Variants in IL1RAPL1 observed in about 807,000 individuals in gnomAD.
The protein encoded by IL1RAPL1 is interleukin 1 receptor accessory protein like 1.
IL1RAPL1 carries 3 observed loss-of-function variants against 48.4 expected under a neutral mutation model. The ratio of observed to expected loss-of-function variants is 0.06; its 90% confidence interval spans 0.03 to 0.16. The LOEUF is 0.16. Ranked by LOEUF, IL1RAPL1 falls within the 10% of genes least tolerant of loss-of-function variation. IL1RAPL1 has a pLI of 1.00. For synonymous variants in IL1RAPL1, 185 were observed against 187.7 expected (o/e 0.99, Z 0.12); for missense variants, 349 against 530.6 (o/e 0.66, Z 3.36).
At chrX:28,781,318 A>ATT (rs770502660) in intron 1 of IL1RAPL1, among the ~76,000 whole-genome samples, 1 of 101,923 alleles carries the variant, frequency 9.8e-6, no homozygotes, top group African/African-American at 3.6e-5. Context: ...TTTTATTTTT[A>ATT]TTTTTTTTTG....
intron 5 of IL1RAPL1, among the ~76,000 whole-genome samples, chrX:29,444,353 A>G (rs1353749979): frequency 1.1e-4 from 12 of 109,268 alleles, no homozygotes; most frequent in Admixed American, 3.9e-4. Context: ...AAAAAAAAAA[A>G]AAAAGAAAAG....
At chrX:29,410,771 CA>C (rs779553750) in intron 5 of IL1RAPL1, among the ~76,000 whole-genome samples, 72 of 111,992 alleles carry the variant, frequency 6.4e-4, no homozygotes, top group African/African-American at 2.3e-3. Flanking sequence ...TATTGAAGTA[CA>C]AAAAAGTTAC....
chrX:29,288,060 T>G (rs1458248212), intron 3 of IL1RAPL1, among the ~76,000 whole-genome samples: 1 of 112,337 alleles, frequency 8.9e-6, no homozygotes, highest in Non-Finnish European at 1.9e-5. Context: ...TGCTTTACAT[T>G]TTACATTTAA....
At chrX:29,538,340 T>TC (rs1921310133) in intron 5 of IL1RAPL1, among the ~76,000 whole-genome samples, 1 of 97,824 alleles carries the variant, frequency 1.0e-5, no homozygotes, top group African/African-American at 3.7e-5. Context: ...TTTCTTTTCT[T>TC]TTTTTTTTTT....
At chrX:29,907,682 C>T (rs1007111955) in intron 6 of IL1RAPL1, among the ~76,000 whole-genome samples, 9 of 111,589 alleles carry the variant, frequency 8.1e-5, no homozygotes, top group Non-Finnish European at 1.9e-5. Context: ...AGACCAACAA[C>T]GTAATGTCCA....
At chrX:29,682,855 T>G (rs1926499833) in intron 6 of IL1RAPL1, among the ~76,000 whole-genome samples, 1 of 112,003 alleles carries the variant, frequency 8.9e-6, no homozygotes, top group African/African-American at 3.2e-5. Flanking sequence ...AAGATTCCCC[T>G]TCATGGATGA....
intron 8 of IL1RAPL1, among the ~76,000 whole-genome samples, chrX:29,930,512 A>G (rs945563326): frequency 3.6e-5 from 4 of 112,040 alleles, no homozygotes; most frequent in African/African-American, 1.3e-4. Flanking sequence ...AAAGAGATGC[A>G]TTAAATAATT....
At chrX:29,850,873 G>A (rs948509931) in intron 6 of IL1RAPL1, among the ~76,000 whole-genome samples, 2 of 112,073 alleles carry the variant, frequency 1.8e-5, no homozygotes, top group African/African-American at 6.5e-5. Flanking sequence ...CGAACTTCGA[G>A]CCTTCCAAAT....
chrX:28,655,670 A>G (rs1035007465), intron 1 of IL1RAPL1, among the ~76,000 whole-genome samples: 1 of 112,091 alleles, frequency 8.9e-6, no homozygotes. Flanking sequence ...CTAACATAAT[A>G]TTTGCTTCAT....
chrX:28,648,136 C>G (rs1025385569), intron 1 of IL1RAPL1, among the ~76,000 whole-genome samples: 8 of 111,204 alleles, frequency 7.2e-5, no homozygotes, highest in African/African-American at 2.3e-4. Context: ...CGAATTGCCT[C>G]TGCCTGGAAT....
chrX:29,501,301 G>T (rs753416854), intron 5 of IL1RAPL1, among the ~76,000 whole-genome samples: 1 of 110,976 alleles, frequency 9.0e-6, no homozygotes, highest in East Asian at 2.8e-4. Flanking sequence ...TTTAGGCGGA[G>T]GTAATCCCAT....
chrX:29,038,393 T>C, intron 2 of IL1RAPL1, among the ~76,000 whole-genome samples: 1 of 112,283 alleles, frequency 8.9e-6, no homozygotes, highest in East Asian at 2.8e-4. Flanking sequence ...GAAAAAACTA[T>C]ATATACAGCC....
intron 2 of IL1RAPL1, among the ~76,000 whole-genome samples, chrX:29,201,761 G>A (rs970201980): frequency 2.8e-5 from 3 of 108,763 alleles, no homozygotes; most frequent in African/African-American, 6.7e-5. Flanking sequence ...GCACGCTCTC[G>A]GCTCGCGGCA....
At chrX:28,800,663 A>C (rs1936661778) in intron 2 of IL1RAPL1, among the ~76,000 whole-genome samples, 1 of 110,925 alleles carries the variant, frequency 9.0e-6, no homozygotes, top group African/African-American at 3.3e-5. Context: ...TCAAAATGAA[A>C]GAATGATCAT....
At chrX:29,453,432 G>A (rs886512538) in intron 5 of IL1RAPL1, among the ~76,000 whole-genome samples, 1 of 111,329 alleles carries the variant, frequency 9.0e-6, no homozygotes, top group Non-Finnish European at 1.9e-5. Flanking sequence ...ATACATAATC[G>A]GATTTTTTAG....
Position 28,666,533 on chromosome X carries a change from A to T in IL1RAPL1, c.-25+78486A>T, listed in dbSNP as rs571605474. 1.2e-4 allele frequency among the ~76,000 whole-genome samples: 13 copies of T among 111,916 alleles called. No homozygotes were observed. The South Asian group carries it at 4.8e-3, about 42-fold the overall frequency. On this transcript the variant is annotated intron_variant, in intron 1 of 10. Transcript: ENST00000378993. ...GCATTACTAGGCGGTTTTTGAATAA[A>T]TTTTTTTTGTTTACAAACTAAACTA...
At chrX:28,704,833 A>ACACACACACAC (rs1569155058) in intron 1 of IL1RAPL1, among the ~76,000 whole-genome samples, 1 of 83,005 alleles carries the variant, frequency 1.2e-5, no homozygotes, top group African/African-American at 4.6e-5. Flanking sequence ...CACACACACA[A>ACACACACACAC]AAAAAAAAAA....
chrX:28,669,739 TTA>T (rs1934927704), intron 1 of IL1RAPL1, among the ~76,000 whole-genome samples: 1 of 104,437 alleles, frequency 9.6e-6, no homozygotes, highest in East Asian at 2.9e-4. Context: ...TAATTTATAA[TTA>T]TATCATATCA....
chrX:29,703,661 GT>G (rs1569149829), intron 6 of IL1RAPL1, among the ~76,000 whole-genome samples: 1 of 111,647 alleles, frequency 9.0e-6, no homozygotes, highest in African/African-American at 3.3e-5. Flanking sequence ...TTAATACTAA[GT>G]TTTGATTTAT....
Sources: allele counts gnomAD v4.1 joint callset (sites outside exome capture counted in the v4.1 genomes callset), GRCh38; gene constraint gnomAD v4.1.1; transcripts MANE v1.5; gene names NCBI Gene and HGNC (gene_info 2026-07-23, HGNC 2026-07-21).